Variants in DKK3 observed in about 807,000 individuals in gnomAD.
DKK3 encodes dickkopf Wnt signaling pathway inhibitor 3.
Under a neutral mutation model 33.2 loss-of-function variants are expected in DKK3, and 22 were observed. That is an observed-to-expected ratio of 0.66 (90% confidence interval 0.47 to 0.95). DKK3 has a LOEUF of 0.95. Ranked by LOEUF, DKK3 falls within the 40% of genes least tolerant of loss-of-function variation. DKK3 has a pLI of 0.00. For synonymous variants in DKK3, 194 were observed against 188.8 expected (o/e 1.03, Z -0.23); for missense variants, 398 against 458.4 (o/e 0.87, Z 1.20).
intron 3 of DKK3, among the ~76,000 whole-genome samples, chr11:11,996,666 C>T (rs1314677400): frequency 3.3e-5 from 5 of 152,224 alleles, no homozygotes; most frequent in Non-Finnish European, 4.4e-5. Context: ...CCAATATGCT[C>T]ATATCCTGAG....
At chr11:12,000,537 A>C (rs1848403825) in intron 2 of DKK3, among the ~76,000 whole-genome samples, 4 of 127,762 alleles carry the variant, frequency 3.1e-5, no homozygotes, top group African/African-American at 6.0e-5. Flanking sequence ...TGACAGTCTC[A>C]CTCTGTCACC....
chr11:12,009,004 C>A (rs1956431892), upstream of DKK3: 3 of 995,334 alleles, frequency 3.0e-6, no homozygotes, highest in South Asian at 4.7e-5. Flanking sequence ...AGTGCCCGAC[C>A]CCCACTTCCA....
In DKK3 at chr11:11,964,501, G is replaced by A. The variant is rs761589887; in HGVS notation, c.1016C>T (p.Ala339Val). The change falls in exon 7 of 7, where the codon GCT (alanine) becomes GTT (valine). Residue 339 changes from alanine to valine, a missense_variant. Ala to Val is a moderately conservative substitution (Grantham distance 64). Coordinates refer to ENST00000683431, the MANE Select transcript of DKK3 (RefSeq NM_001018057.2). ...TEEMALREPAAAAAALLGGEE... is the reference protein window; with the variant it reads ...TEEMALREPAVAAAALLGGEE... The stretch of plus-strand genomic sequence containing the variant: ...CCCTCCCAGCAGTGCAGCGGCGGCA[G>A]CCGCAGGCTCCCTCAGCGCCATCTC... 2 of 1,613,534 alleles carry A rather than the reference G, an allele frequency of 1.2e-6. No homozygotes were observed. The highest frequency in any genetic ancestry group is 1.1e-5 in the South Asian group (1 of 91,086).
Position 11,965,849 on chromosome 11 carries a change from G to A in DKK3, c.790C>T (p.Arg264Ter), listed in dbSNP as rs963226959. The change falls in exon 6 of 7, where the codon CGA becomes TGA. Residue 264 changes from arginine (R) to a stop codon, truncating the protein, a stop_gained. Transcript: ENST00000683431. LOFTEE classifies it high-confidence loss of function. ...WELEPDGALD[R>*]CPCASGLLCQ... ...AGGAGGCCACTGGCACAAGGGCATC[G>A]GTCCAAGGCTCCATCAGGCTCTAGC... 6.2e-6 allele frequency: 10 copies of A among 1,614,024 alleles called. No homozygotes were observed. The highest frequency in any genetic ancestry group is 3.3e-5 in the South Asian group (3 of 91,084).
At chr11:11,993,276 T>G (rs1473423517) in intron 3 of DKK3, among the ~76,000 whole-genome samples, 1 of 152,142 alleles carries the variant, frequency 6.6e-6, no homozygotes, top group African/African-American at 2.4e-5. Flanking sequence ...ATATATGTCT[T>G]ACCAGGATTT....
At position 11,965,940 on chromosome 11, in the gene DKK3, G is replaced by A. The variant is rs766701297; in HGVS notation, c.699C>T (p.Pro233=). ...QRGLLFPVCT[P]LPVEGELCHD... is the part of the protein sequence containing the mutation. ...GGCAAAGCTCGCCCTCCACGGGCAG[G>A]GGTGTGCACACAGGGAACAGCAGGC... Residue 233 remains proline (P), a synonymous_variant, in exon 6 of 7, where the codon CCC becomes CCT. Coordinates refer to ENST00000683431, the MANE Select transcript of DKK3 (RefSeq NM_001018057.2). 5.6e-6 allele frequency: 9 copies of A among 1,613,274 alleles called. No homozygotes were observed. The highest frequency in any genetic ancestry group is 7.6e-6 in the Non-Finnish European group (9 of 1,179,942).
rs147728511 is a variant in DKK3, at chr11:11,988,358, G to A, written c.435+10338C>T. ...AGAGACCAGCTCATTTATTAGATTC[G>A]GGGGCATGACTGTGAATTCCCTGGG... On this transcript the variant is annotated intron_variant, in intron 3 of 6. Transcript: ENST00000683431. 4.6e-5 allele frequency among the ~76,000 whole-genome samples: 7 copies of A among 152,230 alleles called. No homozygotes were observed. The East Asian group carries it at 1.4e-3, about 29-fold the overall frequency.
intron 3 of DKK3, among the ~76,000 whole-genome samples, chr11:11,992,393 A>G (rs1157762304): frequency 6.6e-6 from 1 of 151,934 alleles, no homozygotes; most frequent in Non-Finnish European, 1.5e-5. Flanking sequence ...GCTGTTAACC[A>G]CCCCCTCTGA....
chr11:12,008,768 T>C (rs1848599250), upstream of DKK3: 3 of 1,167,520 alleles, frequency 2.6e-6, no homozygotes, highest in South Asian at 4.2e-5. This position sits in a 1 kb window ranked among gnomAD's most constrained non-coding sequence, Gnocchi z 4.6. Context: ...GCAGCTCCCC[T>C]ACACCCGAAA....
intron 3 of DKK3, among the ~76,000 whole-genome samples, chr11:11,996,028 A>G (rs1848285881): frequency 1.3e-5 from 2 of 152,240 alleles, no homozygotes; most frequent in Admixed American, 1.3e-4. Context: ...AAAGGAAAGT[A>G]TAGGGTGTGT....
At chr11:11,988,571 C>G (rs1848119620) in intron 3 of DKK3, among the ~76,000 whole-genome samples, 1 of 152,216 alleles carries the variant, frequency 6.6e-6, no homozygotes, top group South Asian at 2.1e-4. Flanking sequence ...ATCATCACCA[C>G]AAAACCTCCT....
At chr11:11,999,828 A>T (rs749628191) in intron 2 of DKK3, among the ~76,000 whole-genome samples, 35 of 152,214 alleles carry the variant, frequency 2.3e-4, no homozygotes, top group Non-Finnish European at 3.7e-4. Context: ...CAGCTCTAAT[A>T]TCACAGGAAT....
chr11:11,983,660 G>A (rs572957576), intron 3 of DKK3, among the ~76,000 whole-genome samples: 5 of 152,212 alleles, frequency 3.3e-5, no homozygotes, highest in South Asian at 2.1e-4. Flanking sequence ...CTTCTCCACC[G>A]AAGATCAGCC....
At chr11:11,994,576 C>T (rs1848252464) in intron 3 of DKK3, 1 of 152,194 alleles carries the variant, frequency 6.6e-6, no homozygotes, top group Non-Finnish European at 1.5e-5. Context: ...CCCTGGTGCA[C>T]TTCTGTTAAA....
chr11:11,989,590 G>A (rs1444529849), intron 3 of DKK3, among the ~76,000 whole-genome samples: 2 of 152,092 alleles, frequency 1.3e-5, no homozygotes, highest in Non-Finnish European at 2.9e-5. Context: ...GATTGCAGGA[G>A]GGGGGCATTG....
At chr11:12,000,860 C>G (rs1411730429) in intron 2 of DKK3, among the ~76,000 whole-genome samples, 1 of 152,122 alleles carries the variant, frequency 6.6e-6, no homozygotes, top group Non-Finnish European at 1.5e-5. Context: ...AACTACTGCA[C>G]TGTGTTAATA....
chr11:12,003,642 T>C (rs912010052), intron 1 of DKK3, among the ~76,000 whole-genome samples: 2 of 152,040 alleles, frequency 1.3e-5, no homozygotes, highest in Non-Finnish European at 2.9e-5. Flanking sequence ...TCAGATACTC[T>C]CTCTAGGAAT....
chr11:11,972,290 C>A (rs1847740345), intron 3 of DKK3, among the ~76,000 whole-genome samples: 3 of 152,194 alleles, frequency 2.0e-5, no homozygotes, highest in Admixed American at 2.0e-4. Flanking sequence ...CTATGGTGCA[C>A]CCCTGCCAGG....
At chr11:12,006,413 G>A (rs1011904154) in intron 1 of DKK3, among the ~76,000 whole-genome samples, 65 of 152,172 alleles carry the variant, frequency 4.3e-4, no homozygotes, top group African/African-American at 1.2e-3. Flanking sequence ...GACTCGGAAC[G>A]CCACTGCCAG....
Sources: gnomAD v4.1 joint callset for allele counts (sites outside exome capture counted in the v4.1 genomes callset) on GRCh38, gnomAD v4.1.1 for gene constraint, Gnocchi (gnomAD v3.1) non-coding constraint, MANE v1.5 for transcripts, NCBI Gene and HGNC (gene_info 2026-07-23, HGNC 2026-07-21) for gene names.